Variants in FRMPD3 observed in about 807,000 individuals in gnomAD.
FRMPD3 encodes FERM and PDZ domain-containing protein 3.
Under a neutral mutation model 97.9 loss-of-function variants are expected in FRMPD3, and 42 were observed. The ratio of observed to expected loss-of-function variants is 0.43; its 90% CI spans 0.34 to 0.55. The LOEUF (loss-of-function observed/expected upper bound fraction) is 0.55, where lower values mean the gene tolerates loss of function less well. Ranked by LOEUF, FRMPD3 falls within the 20% of genes least tolerant of loss-of-function variation. FRMPD3 has a pLI of 0.03. For missense variants in FRMPD3, 1,303 were observed against 1,457.7 expected (o/e 0.89, Z 1.73); for synonymous variants, 577 against 581.1 (o/e 0.99, Z 0.10).
At chrX:107,582,146 A>G (rs1026028422) in intron 13 of FRMPD3, among the ~76,000 whole-genome samples, 1 of 111,369 alleles carries the variant, frequency 9.0e-6, no homozygotes, top group Non-Finnish European at 1.9e-5. Flanking sequence ...TGGAGGGTTA[A>G]ATTTTAACCG....
At chrX:107,595,432 T>C (rs1206910703) in intron 13 of FRMPD3, among the ~76,000 whole-genome samples, 1 of 111,991 alleles carries the variant, frequency 8.9e-6, no homozygotes, top group African/African-American at 3.2e-5. Flanking sequence ...TGTATGATTT[T>C]ATTCCTTTTA....
chrX:107,536,019 C>T (rs1443518813), intron 4 of FRMPD3, among the ~76,000 whole-genome samples: 1 of 111,596 alleles, frequency 9.0e-6, no homozygotes, highest in Non-Finnish European at 1.9e-5. Context: ...CAATCCCTGT[C>T]AACCACTTTA....
Position 107,545,893 on chromosome X carries a change from G to A in FRMPD3, c.402+52G>A, listed in dbSNP as rs1602797875. The A allele has an allele frequency of 2.8e-5, 27 of 976,172 alleles. No homozygotes were observed. In the East Asian group the frequency reaches 8.4e-4, roughly 30 times the overall value. The allele number at this position is 976,172 out of a possible 1,213,427, so 80.4% of individuals were successfully genotyped here. A position where few individuals can be genotyped will look rare whatever the true frequency, so the allele number is the denominator to read the frequency against. On this transcript the variant is annotated intron_variant, in intron 5 of 14. Transcript: ENST00000683843. ...TCAGCCCCTGGCCATAATCTGCCTGGCTGTCAAGCTCTCGCTCTGGGGCTT... is the reference window on the plus strand; with the variant it reads ...TCAGCCCCTGGCCATAATCTGCCTGACTGTCAAGCTCTCGCTCTGGGGCTT...
chrX:107,515,585 G>C (rs1344171717), intron 1 of FRMPD3, among the ~76,000 whole-genome samples: 1 of 111,912 alleles, frequency 8.9e-6, no homozygotes, highest in Non-Finnish European at 1.9e-5. Context: ...AGATGAAGTG[G>C]AGACATATGT....
chrX:107,567,723 G>A (rs1922670433), intron 12 of FRMPD3, among the ~76,000 whole-genome samples: 1 of 111,805 alleles, frequency 8.9e-6, no homozygotes, highest in African/African-American at 3.3e-5. Context: ...GTGGAATTTA[G>A]ATTCAATGTG....
intron 1 of FRMPD3, among the ~76,000 whole-genome samples, chrX:107,453,661 G>A (rs758035632): frequency 7.1e-5 from 8 of 112,005 alleles, no homozygotes; most frequent in African/African-American, 2.3e-4. Context: ...GGGGCAAAGG[G>A]GTAGGGTAGG....
chrX:107,588,027 G>A (rs1027279212), intron 13 of FRMPD3, among the ~76,000 whole-genome samples: 1 of 110,900 alleles, frequency 9.0e-6, no homozygotes, highest in Non-Finnish European at 1.9e-5. Flanking sequence ...CACCCACCTC[G>A]GCCTCCCAAA....
intron 1 of FRMPD3, among the ~76,000 whole-genome samples, chrX:107,498,598 C>A (rs1921831457): frequency 9.0e-6 from 1 of 111,594 alleles, no homozygotes; most frequent in Non-Finnish European, 1.9e-5. Flanking sequence ...CATTGGAGAT[C>A]CAGATATTTT....
Position 107,597,717 on chromosome X carries a change from A to T in FRMPD3, c.1838A>T (p.Asp613Val), listed in dbSNP as rs1924258938. ...GCTGAAGCCCTGAATTTCTACTGTG[A>T]CTCTTGCAAAGCCAAACTTCAGGAG... ...LGAEALNFYC[D>V]SCKAKLQEQL... is the part of the protein sequence containing the mutation. The change falls in exon 14 of 15, where the codon GAC becomes GTC. Residue 613 changes from aspartate to valine, a missense_variant. Asp to Val is a radical substitution (Grantham distance 152). Coordinates refer to ENST00000683843, the MANE Select transcript of FRMPD3 (RefSeq NM_001388459.1). The T allele has an allele frequency of 8.3e-7, 1 of 1,206,726 alleles. No individual in the cohort carries two copies. The highest frequency in any genetic ancestry group is 2.2e-5 in the Admixed American group (1 of 45,307).
At chrX:107,570,122 GAGGA>G (rs200412783) in intron 12 of FRMPD3, among the ~76,000 whole-genome samples, 1,149 of 93,618 alleles carry the variant, frequency 0.012, 45 homozygotes, top group African/African-American at 0.048. Flanking sequence ...AAAAGAGAGC[GAGGA>G]AGGAAGGAAG....
intron 1 of FRMPD3, among the ~76,000 whole-genome samples, chrX:107,492,121 C>T (rs2147523572): frequency 8.9e-6 from 1 of 111,991 alleles, no homozygotes; most frequent in South Asian, 3.8e-4. Context: ...CTCCAAATCT[C>T]TTCCTTTTTT....
chrX:107,518,255 A>C (rs1269917478), intron 1 of FRMPD3, among the ~76,000 whole-genome samples: 1 of 111,971 alleles, frequency 8.9e-6, no homozygotes, highest in East Asian at 2.8e-4. Context: ...TTCTAGTAAA[A>C]GGGAATATCA....
chrX:107,508,752 G>A (rs890040611), intron 1 of FRMPD3, among the ~76,000 whole-genome samples: 9 of 111,892 alleles, frequency 8.0e-5, no homozygotes, highest in South Asian at 3.8e-4. Flanking sequence ...GTACAGGTTG[G>A]CGGAGAGAGG....
chrX:107,511,294 G>C (rs1421541993), intron 1 of FRMPD3, among the ~76,000 whole-genome samples: 3 of 112,370 alleles, frequency 2.7e-5, no homozygotes, highest in Non-Finnish European at 3.8e-5. Flanking sequence ...ACATATGCCT[G>C]TTCCCTTCTG....
intron 1 of FRMPD3, among the ~76,000 whole-genome samples, chrX:107,522,212 G>A (rs1030698929): frequency 1.8e-5 from 2 of 111,276 alleles, no homozygotes; most frequent in African/African-American, 6.5e-5. Context: ...GTTTATATTT[G>A]GCTCCCCTTC....
intron 1 of FRMPD3, among the ~76,000 whole-genome samples, chrX:107,462,930 A>G (rs1017078516): frequency 2.7e-5 from 3 of 111,530 alleles, no homozygotes; most frequent in Admixed American, 9.5e-5. Context: ...ACTGAATTTC[A>G]GTTATCTGCT....
intron 1 of FRMPD3, among the ~76,000 whole-genome samples, chrX:107,455,864 C>A (rs1931369234): frequency 9.0e-6 from 1 of 111,515 alleles, no homozygotes; most frequent in Admixed American, 9.5e-5. Flanking sequence ...TTTGAATTTA[C>A]AGTGCCTAGT....
Position 107,461,671 on chromosome X carries a change from A to G in FRMPD3, c.-8+11666A>G, listed in dbSNP as rs149415559. 1.5e-3 allele frequency among the ~76,000 whole-genome samples: 163 copies of G among 110,742 alleles called. 1 individual carries two copies. Among genetic ancestry groups the G allele is most frequent in the African/African-American group, 4.8e-3 (146 of 30,411 alleles). ...CGTGTCAGTCCCTGCTCAAGAACCT[A>G]TAATAGTGCCCTTTTGCTTACTATA... On this transcript the variant is annotated intron_variant, in intron 1 of 14. Transcript: ENST00000683843.
chrX:107,480,926 AAG>A (rs746019542), intron 1 of FRMPD3, among the ~76,000 whole-genome samples: 1 of 108,485 alleles, frequency 9.2e-6, no homozygotes, highest in Non-Finnish European at 1.9e-5. Context: ...GAAAGAAAGA[AAG>A]AAAGAAAGAA....
Sources: gnomAD v4.1 joint callset for allele counts (sites outside exome capture counted in the v4.1 genomes callset) on GRCh38, gnomAD v4.1.1 for gene constraint, MANE v1.5 for transcripts, NCBI Gene and HGNC (gene_info 2026-07-23, HGNC 2026-07-21) for gene names.